Variants in WWC2 observed in about 807,000 individuals in gnomAD.
WWC2 encodes protein WWC2.
A neutral mutation model predicts 138.5 loss-of-function variants in WWC2; 101 were observed. The ratio of observed to expected loss-of-function variants is 0.73; its 90% CI spans 0.62 to 0.86. The LOEUF is 0.86. WWC2 is among the 40% of genes least tolerant of loss of function. The pLI is 0.00. For synonymous variants in WWC2, 558 were observed against 538.4 expected (o/e 1.04, Z -0.50); for missense variants, 1,420 against 1,419.4 (o/e 1.00, Z -0.01).
chr4:183,140,077 C>T (rs1733254103), intron 1 of WWC2, among the ~76,000 whole-genome samples: 1 of 152,190 alleles, frequency 6.6e-6, no homozygotes, highest in South Asian at 2.1e-4. Flanking sequence ...CTTACAAAGT[C>T]CTGGGATTAT....
chr4:183,146,432 A>AC (rs1311153524), intron 1 of WWC2, among the ~76,000 whole-genome samples: 3 of 152,254 alleles, frequency 2.0e-5, no homozygotes. Context: ...GGTAAACAGA[A>AC]CAGCTAGTTT....
intron 16 of WWC2, among the ~76,000 whole-genome samples, chr4:183,280,026 T>G (rs894847383): frequency 6.6e-6 from 1 of 152,066 alleles, no homozygotes; most frequent in African/African-American, 2.4e-5. Flanking sequence ...TTTCACTCTT[T>G]AGTTCCTAAT....
intron 1 of WWC2, among the ~76,000 whole-genome samples, chr4:183,172,707 A>AG (rs1734331055): frequency 6.6e-6 from 1 of 151,974 alleles, no homozygotes; most frequent in African/African-American, 2.4e-5. Context: ...CCATTGTGCT[A>AG]GGTGGGTCAT....
chr4:183,139,372 A>T (rs2111091276), intron 1 of WWC2, among the ~76,000 whole-genome samples: 1 of 152,298 alleles, frequency 6.6e-6, no homozygotes. Context: ...GGCCTACTTG[A>T]CAGGTCTACT....
intron 16 of WWC2, among the ~76,000 whole-genome samples, chr4:183,273,243 A>AAATTTGAGAAAATTTTTGAG (rs1737751126): frequency 1.4e-5 from 2 of 139,526 alleles, no homozygotes; most frequent in Admixed American, 1.4e-4. Flanking sequence ...TTTTTTTGAG[A>AAATTTGAGAAAATTTTTGAG]AATGTCTTTT....
chr4:183,295,991 G>A (rs931430584), intron 21 of WWC2, among the ~76,000 whole-genome samples: 4 of 152,196 alleles, frequency 2.6e-5, no homozygotes, highest in African/African-American at 7.2e-5. Flanking sequence ...GACATGGGTG[G>A]TATTTTTCAC....
At position 183,123,613 on chromosome 4, in the gene WWC2, T is replaced by G. The variant is rs142600366; in HGVS notation, c.131+23991T>G. ...TGAAAGATATCTACAGTTCTTTGTT[T>G]TTTAAATCTGAAGGCAAATATAGCA... On this transcript the variant is annotated intron_variant, in intron 1 of 22. Coordinates refer to ENST00000403733, the MANE Select transcript of WWC2 (RefSeq NM_024949.6). Among the ~76,000 whole-genome samples the G allele has an allele frequency of 4.8e-3, 726 of 152,292 alleles. 6 individuals carry two copies. The highest frequency in any genetic ancestry group is 0.017 in the African/African-American group (695 of 41,556).
rs916259311 is a variant in WWC2, at chr4:183,261,513, A to G, written c.1890A>G (p.Pro630=). ...ACCTTAATGAATGTGCTAGGGAGCC[A>G]TTATATGAAGGAACTGCAGGTAAAT... is the stretch of plus-strand genomic sequence containing the variant. The part of the protein sequence containing the change: ...DKDLNECARE[P]LYEGTADVEK... The change falls in exon 11 of 23, where the codon CCA becomes CCG. Residue 630 remains proline (P), a synonymous_variant. Transcript: ENST00000403733. The G allele has an allele frequency of 1.2e-6, 2 of 1,611,828 alleles. No individual in the cohort carries two copies. The highest frequency in any genetic ancestry group is 2.2e-5 in the South Asian group (2 of 90,470).
intron 2 of WWC2, among the ~76,000 whole-genome samples, chr4:183,203,953 A>T (rs1212355938): frequency 2.6e-5 from 4 of 152,172 alleles, no homozygotes; most frequent in African/African-American, 7.2e-5. Flanking sequence ...TTCCATTTGC[A>T]TAGATTATAC....
chr4:183,259,027 G>A (rs532306077), intron 9 of WWC2, among the ~76,000 whole-genome samples: 3 of 152,200 alleles, frequency 2.0e-5, no homozygotes, highest in East Asian at 3.9e-4. Context: ...AGTCCGACGC[G>A]GATGATGAGA....
At chr4:183,277,462 G>A (rs1255592538) in intron 16 of WWC2, among the ~76,000 whole-genome samples, 1 of 150,964 alleles carries the variant, frequency 6.6e-6, no homozygotes, top group Non-Finnish European at 1.5e-5. Context: ...TGTCTTTACA[G>A]CAGCATGATT....
chr4:183,201,345 A>T (rs1735293742), intron 2 of WWC2, among the ~76,000 whole-genome samples: 1 of 152,180 alleles, frequency 6.6e-6, no homozygotes, highest in Admixed American at 6.5e-5. Context: ...CTTTAAAATT[A>T]GTGTTTAAAA....
At chr4:183,133,054 T>C (rs1241309263) in intron 1 of WWC2, among the ~76,000 whole-genome samples, 1 of 131,600 alleles carries the variant, frequency 7.6e-6, no homozygotes, top group Non-Finnish European at 1.6e-5. Flanking sequence ...CTTCCCTTTT[T>C]TCCTTTTCTT....
In WWC2 at chr4:183,288,345, C is replaced by T. The variant is rs543346012; in HGVS notation, c.3142-1048C>T. On this transcript the variant is annotated intron_variant, in intron 20 of 22. Transcript: ENST00000403733. The stretch of plus-strand genomic sequence containing the variant: ...CTGGAGTACTTGTCAAATTTGAGTC[C>T]CTCCTCGCTCATATCAAATAGTAAC... Among the ~76,000 whole-genome samples the T allele has an allele frequency of 1.4e-4, 22 of 151,964 alleles. 2 individuals are homozygous for T. The highest frequency in any genetic ancestry group is 8.3e-4 in the South Asian group (4 of 4,800).
chr4:183,129,566 G>A (rs1732860173), intron 1 of WWC2, among the ~76,000 whole-genome samples: 1 of 152,188 alleles, frequency 6.6e-6, no homozygotes, highest in Admixed American at 6.5e-5. Context: ...CAATTCTTCA[G>A]TTGTTGAAGA....
chr4:183,233,148 C>CT (rs543576361), intron 4 of WWC2, among the ~76,000 whole-genome samples: 3,899 of 84,750 alleles, frequency 0.046, 671 homozygotes, highest in Non-Finnish European at 0.065. Context: ...CTTTTTAAAC[C>CT]TTTTTTTTTT....
chr4:183,195,513 A>G (rs1041178307), intron 2 of WWC2, among the ~76,000 whole-genome samples: 23 of 152,052 alleles, frequency 1.5e-4, no homozygotes, highest in Admixed American at 1.3e-4. Flanking sequence ...TAACTTTTCT[A>G]TTTCATCATT....
chr4:183,303,015 C>T (rs1213982007), intron 21 of WWC2, among the ~76,000 whole-genome samples: 1 of 142,200 alleles, frequency 7.0e-6, no homozygotes, highest in East Asian at 2.1e-4. Flanking sequence ...GAGCTGAGAT[C>T]GTGCCACTGC....
At chr4:183,148,530 T>C (rs1358539381) in intron 1 of WWC2, among the ~76,000 whole-genome samples, 2 of 152,190 alleles carry the variant, frequency 1.3e-5, no homozygotes, top group African/African-American at 4.8e-5. Flanking sequence ...CCTTCCCCAT[T>C]TCTCTGCTTA....
Sources: allele counts gnomAD v4.1 joint callset (sites outside exome capture counted in the v4.1 genomes callset), GRCh38; gene constraint gnomAD v4.1.1; transcripts MANE v1.5; gene names NCBI Gene and HGNC (gene_info 2026-07-23, HGNC 2026-07-21).